The following SPTBN2 variants were observed in gnomAD, a reference collection of about 807,000 sequenced individuals.
The protein encoded by SPTBN2 is spectrin beta, non-erythrocytic 2.
A neutral mutation model predicts 284.2 loss-of-function variants in SPTBN2; 107 were observed. The observed-to-expected ratio is 0.38, with a 90% confidence interval of 0.32 to 0.44. The LOEUF (loss-of-function observed/expected upper bound fraction) is 0.44, where lower values mean the gene tolerates loss of function less well. SPTBN2 is among the 20% of genes least tolerant of loss of function. The pLI, the probability that SPTBN2 is intolerant of heterozygous loss-of-function variation, is 1.00. For synonymous variants in SPTBN2, 1,289 were observed against 1,354.8 expected (o/e 0.95, Z 1.07); for missense variants, 2,569 against 3,287.1 (o/e 0.78, Z 5.34).
At chr11:66,739,075 G>C (rs1942876780) in intron 1 of SPTBN2, among the ~76,000 whole-genome samples, 1 of 152,156 alleles carries the variant, frequency 6.6e-6, no homozygotes. Context: ...CCCAAATGCT[G>C]GGATTACAGG....
chr11:66,706,510 T>TAA (rs1941567152), intron 13 of SPTBN2, among the ~76,000 whole-genome samples: 1 of 152,214 alleles, frequency 6.6e-6, no homozygotes. Context: ...TTTGTATTTT[T>TAA]AGCAGAGATG....
rs1436148275 is a variant in SPTBN2 at position 66,707,989 on chromosome 11, C to T, written c.1350+152G>A. Reference sequence around the variant, plus strand: ...TCACCAACCCTCTCTCCTGTCCCACCCTCTGGCCCCTGGCTCCCGGACCTC... The same window carrying T: ...TCACCAACCCTCTCTCCTGTCCCACTCTCTGGCCCCTGGCTCCCGGACCTC... On this transcript the variant is annotated intron_variant, in intron 12 of 37. Transcript: ENST00000533211. The surrounding 1 kb of genome is among the most constrained non-coding windows in gnomAD (Gnocchi z 4.9). 7.0e-7 allele frequency: 1 copy of T among 1,422,438 alleles called. No homozygotes were observed. Among genetic ancestry groups the T allele is most frequent in the Non-Finnish European group, 9.7e-7 (1 of 1,030,544 alleles). 88.1% of individuals were successfully genotyped at this position (1,422,438 alleles called of 1,614,324 possible). A position where few individuals can be genotyped will look rare whatever the true frequency, so the allele number is the denominator to read the frequency against.
At position 66,693,415 on chromosome 11, in the gene SPTBN2, G is replaced by A. The variant is rs1195257320; in HGVS notation, c.4625C>T (p.Pro1542Leu). 6.3e-7 allele frequency: 1 copy of A among 1,599,916 alleles called. No homozygotes were observed. Among genetic ancestry groups the A allele is most frequent in the Non-Finnish European group, 8.5e-7 (1 of 1,179,810 alleles). Reference sequence around the variant, plus strand: ...CCGCTCCCTCAGGTCCGCGATCCGGGGCTCATGGCCCTGAATCTCTTTCTG... The same window carrying A: ...CCGCTCCCTCAGGTCCGCGATCCGGAGCTCATGGCCCTGAATCTCTTTCTG... ...TLQKEIQGHE[P>L]RIADLRERQR... The change falls in exon 24 of 38, where the codon CCC (proline) becomes CTC (leucine). Residue 1542 changes from proline to leucine, a missense_variant. Coordinates refer to ENST00000533211, the MANE Select transcript of SPTBN2 (RefSeq NM_006946.4). The surrounding 1 kb of genome is among the most constrained non-coding windows in gnomAD (Gnocchi z 5.7).
At position 66,714,306 on chromosome 11, in the gene SPTBN2, G is replaced by A. The variant is rs753995606; in HGVS notation, c.575+10C>T. The stretch of plus-strand genomic sequence containing the variant: ...GACCCTCCAGTGCCACACGCCCAGG[G>A]TGTCCTCACCCTGCAGTCTTCATCT... On this transcript the variant is annotated intron_variant, in intron 6 of 37. Coordinates refer to ENST00000533211, the MANE Select transcript of SPTBN2 (RefSeq NM_006946.4). The A allele has an allele frequency of 1.1e-5, 18 of 1,613,696 alleles. No individual in the cohort carries two copies. The highest frequency in any genetic ancestry group is 2.2e-5 in the East Asian group (1 of 44,872).
intron 1 of SPTBN2, chr11:66,728,412 C>CA (rs1234389099): frequency 1.5e-4 from 23 of 149,830 alleles, no homozygotes; most frequent in Non-Finnish European, 2.8e-4. Flanking sequence ...GGACAATAGC[C>CA]TCCCCCTGCC....
At chr11:66,686,817 G>A in intron 36 of SPTBN2, 177 bp downstream of exon 36, 1 of 816,142 alleles carries the variant, frequency 1.2e-6, no homozygotes, top group Non-Finnish European at 2.0e-6. Context: ...TGCTCCCCTT[G>A]GTGTGGAGAC....
Position 66,689,920 on chromosome 11 carries a change from A to C in SPTBN2, c.5834T>G (p.Val1945Gly), listed in dbSNP as rs1262329146. The C allele has an allele frequency of 1.2e-6, 2 of 1,613,938 alleles. No homozygotes were observed. Among genetic ancestry groups the C allele is most frequent in the Admixed American group, 1.7e-5 (1 of 60,022 alleles). Residue 1945 changes from valine to glycine, a missense_variant, in exon 29 of 38, where the codon GTC (valine) becomes GGC (glycine). By Grantham distance (109) the Val-to-Gly change is moderately radical. This residue lies in a region of SPTBN2 where 1,130 missense variants were observed against 1,317.3 expected (regional missense o/e 0.86). Coordinates refer to ENST00000533211, the MANE Select transcript of SPTBN2 (RefSeq NM_006946.4). Reference sequence around the variant, plus strand: ...CTTGATGCCTTGCTGGTTCTTGATGACTAGATCCGCGGAGGACACATCCCT... The same window carrying C: ...CTTGATGCCTTGCTGGTTCTTGATGCCTAGATCCGCGGAGGACACATCCCT... ...RPRDVSSADL[V>G]IKNQQGIKAE... is the part of the protein sequence containing the mutation.
At chr11:66,688,565 A>C (rs1425524268) in intron 31 of SPTBN2, 88 bp downstream of exon 31, 22 of 1,545,462 alleles carry the variant, frequency 1.4e-5, no homozygotes, top group Non-Finnish European at 1.8e-5. Flanking sequence ...TGCAGTGGGA[A>C]GAGAGAAGAC....
chr11:66,719,122 G>A (rs1942278247), intron 3 of SPTBN2, among the ~76,000 whole-genome samples: 1 of 152,262 alleles, frequency 6.6e-6, no homozygotes, highest in South Asian at 2.1e-4. Flanking sequence ...TTGAGCCCCA[G>A]CTCAGAAACA....
chr11:66,739,981 G>A (rs1304295391), intron 1 of SPTBN2, among the ~76,000 whole-genome samples: 1 of 152,128 alleles, frequency 6.6e-6, no homozygotes, highest in Non-Finnish European at 1.5e-5. Flanking sequence ...GCAGTGAGCC[G>A]AGATCCTGCC....
rs915452792 is a variant in SPTBN2 at position 66,693,769 on chromosome 11, C to T, written c.4593+3G>A. The T allele has an allele frequency of 8.1e-6, 13 of 1,611,750 alleles. No individual in the cohort carries two copies. Among genetic ancestry groups the T allele is most frequent in the African/African-American group, 1.3e-5 (1 of 74,906 alleles). On this transcript the variant is annotated splice_donor_region_variant and intron_variant, in intron 23 of 37. Transcript: ENST00000533211. The surrounding 1 kb of genome is among the most constrained non-coding windows in gnomAD (Gnocchi z 5.7). ...TCTCTTTTGCCTTCAGCCTCTGCCT[C>T]ACCTGGTTTTTCTTCATGAGAAGCT...
intron 20 of SPTBN2, among the ~76,000 whole-genome samples, chr11:66,697,908 G>C (rs1941013804): frequency 6.6e-6 from 1 of 152,204 alleles, no homozygotes; most frequent in South Asian, 2.1e-4. Context: ...GGAAACACTT[G>C]AAAGCACACT....
chr11:66,721,346 C>T lies in SPTBN2; in HGVS notation c.-23+4G>A, dbSNP rs1590982215. 2 of 1,448,868 alleles carry T rather than the reference C, an allele frequency of 1.4e-6. No homozygotes were observed. Among genetic ancestry groups the T allele is most frequent in the South Asian group, 1.1e-5 (1 of 87,162 alleles). The allele number at this position is 1,448,868 out of a possible 1,614,324, so 89.8% of individuals were successfully genotyped here. On this transcript the variant is annotated splice_donor_region_variant and intron_variant, in intron 2 of 37. Transcript: ENST00000533211. ...CACCGGGGCCTTCTGTCTTCTTGCCCTACCTGTGCTCCGCTCTCCTTGTGG... is the reference window on the plus strand; with the variant it reads ...CACCGGGGCCTTCTGTCTTCTTGCCTTACCTGTGCTCCGCTCTCCTTGTGG...
rs1940001816 is a variant in SPTBN2, at chr11:66,684,726, CTTCA to C, written c.*1141_*1144del. ...GTCACCTCATGGCTTCCCAGAGTGA[CTTCA>C]TTCTGTTGATCAGTTTATTGGAACC... On this transcript the variant is annotated 3_prime_UTR_variant, in exon 38 of 38. Coordinates refer to ENST00000533211, the MANE Select transcript of SPTBN2 (RefSeq NM_006946.4). 6.6e-6 allele frequency among the ~76,000 whole-genome samples: 1 copy of C among 151,854 alleles called. No homozygotes were observed. The highest frequency in any genetic ancestry group is 1.5e-5 in the Non-Finnish European group (1 of 67,992).
chr11:66,732,693 C>T (rs113780313), upstream of SPTBN2, among the ~76,000 whole-genome samples: 1,321 of 147,244 alleles, frequency 9.0e-3, 23 homozygotes, highest in African/African-American at 0.031. Context: ...AGGCTGCGCG[C>T]GGTGGCTCAC....
rs549378554 is a variant in SPTBN2, at chr11:66,687,652, G to T, written c.6502-5C>A. On this transcript the variant is annotated splice_region_variant and splice_polypyrimidine_tract_variant and intron_variant, in intron 34 of 37. Transcript: ENST00000533211. This position sits in a 1 kb window ranked among gnomAD's most constrained non-coding sequence, Gnocchi z 5.2. ...TTCGTCCCCTGAGCCAGGTCCCTGG[G>T]GGGGAATCAGTGTCAGTGTCAAAGG... 4.4e-5 allele frequency: 70 copies of T among 1,588,960 alleles called. No homozygotes were observed. The South Asian group carries it at 5.5e-4, about 13-fold the overall frequency.
Position 66,700,725 on chromosome 11 carries a change from C to T in SPTBN2, c.3374G>A (p.Arg1125Gln), listed in dbSNP as rs375601930. The T allele has an allele frequency of 8.2e-5, 131 of 1,603,838 alleles. No homozygotes were observed. Among genetic ancestry groups the T allele is most frequent in the Middle Eastern group, 6.6e-4 (4 of 6,058 alleles). ...ERAQSEYSRL[R>Q]ALGEEVTRDQ... ...CCGGGTCACCTCCTCGCCCAGGGCT[C>T]GCAGCCGGCTATACTCGCTCTGGGC... The change falls in exon 17 of 38, where the codon CGA (arginine) becomes CAA (glutamine). Residue 1125 changes from arginine (R) to glutamine (Q), a missense_variant. Coordinates refer to ENST00000533211, the MANE Select transcript of SPTBN2 (RefSeq NM_006946.4). The surrounding 1 kb of genome is among the most constrained non-coding windows in gnomAD (Gnocchi z 6.6).
At chr11:66,698,910 G>T in intron 19 of SPTBN2, 82 bp downstream of exon 19, 1 of 1,597,994 alleles carries the variant, frequency 6.3e-7, no homozygotes, top group Non-Finnish European at 8.6e-7. Context: ...CACAGTCTCC[G>T]GTACCTTGTG....
chr11:66,715,513 G>T lies in SPTBN2; in HGVS notation c.310-118C>A. 7.3e-7 allele frequency: 1 copy of T among 1,364,456 alleles called. No homozygotes were observed. 84.5% of individuals were successfully genotyped at this position (1,364,456 alleles called of 1,614,324 possible). On this transcript the variant is annotated intron_variant, in intron 4 of 37. Coordinates refer to ENST00000533211, the MANE Select transcript of SPTBN2 (RefSeq NM_006946.4). This position sits in a 1 kb window ranked among gnomAD's most constrained non-coding sequence, Gnocchi z 5.3. ...TGACCTACCTCAGGAACACAGACAGGCACAGCCCCAGGGCTGGAGCCAAAG... is the reference window on the plus strand; with the variant it reads ...TGACCTACCTCAGGAACACAGACAGTCACAGCCCCAGGGCTGGAGCCAAAG...
Sources: gnomAD v4.1 joint callset for allele counts (sites outside exome capture counted in the v4.1 genomes callset) on GRCh38, gnomAD v4.1.1 for gene constraint, gnomAD v4.1.1 regional missense constraint, Gnocchi (gnomAD v3.1) non-coding constraint, MANE v1.5 for transcripts, NCBI Gene and HGNC (gene_info 2026-07-23, HGNC 2026-07-21) for gene names.